Variants in ZMAT5 observed in about 807,000 individuals in gnomAD.
ZMAT5 encodes zinc finger matrin-type 5.
Under a neutral mutation model 28.0 loss-of-function variants are expected in ZMAT5, and 23 were observed. That is an observed-to-expected ratio of 0.82 (90% CI 0.59 to 1.16). The LOEUF is 1.16. Ranked by LOEUF, ZMAT5 falls within the 50% of genes most tolerant of loss-of-function variation. The pLI is 0.00. For missense variants in ZMAT5, 173 were observed against 212.7 expected, an observed-to-expected ratio of 0.81 and a Z score of 1.16; for synonymous variants, 76 against 84.1, an observed-to-expected ratio of 0.90 and a Z score of 0.52.
At chr22:29,756,394 G>A (rs77936918) in intron 1 of ZMAT5, among the ~76,000 whole-genome samples, 271 of 152,272 alleles carry the variant, frequency 1.8e-3, no homozygotes, top group Non-Finnish European at 3.1e-3. Context: ...CCGAACCCCC[G>A]TATGCTAGAG....
chr22:29,740,613 C>T (rs374723834), intron 4 of ZMAT5, 37 bp downstream of exon 4: 2 of 1,560,204 alleles, frequency 1.3e-6, no homozygotes, highest in African/African-American at 2.7e-5. Flanking sequence ...GCCCCAGCAC[C>T]CCACTCCCGC....
At chr22:29,738,913 A>C (rs2067934385) in intron 4 of ZMAT5, among the ~76,000 whole-genome samples, 1 of 152,130 alleles carries the variant, frequency 6.6e-6, no homozygotes, top group East Asian at 1.9e-4. Flanking sequence ...TGGGAGACTG[A>C]GGCAGGAGAA....
chr22:29,746,109 ACCACAGGAATGGG>A (rs2147225307), intron 2 of ZMAT5: 1 of 152,280 alleles, frequency 6.6e-6, no homozygotes, highest in South Asian at 2.1e-4. Context: ...AGCAGCTGGA[ACCACAGGAATGGG>A]CCACCATGCC....
intron 3 of ZMAT5, among the ~76,000 whole-genome samples, chr22:29,741,270 G>A (rs921853629): frequency 2.0e-5 from 3 of 152,186 alleles, no homozygotes; most frequent in Non-Finnish European, 4.4e-5. Flanking sequence ...CAAAATGTAT[G>A]TCGAGATACT....
At chr22:29,738,570 G>A (rs2067930223) in intron 4 of ZMAT5, 129 bp from the exon 5 acceptor site, 2 of 717,864 alleles carry the variant, frequency 2.8e-6, no homozygotes, top group Non-Finnish European at 2.3e-6. Flanking sequence ...CCTTCCAGGA[G>A]GATGCACCTG....
chr22:29,765,308 A>G (rs113610976), intron 1 of ZMAT5, among the ~76,000 whole-genome samples: 1 of 151,788 alleles, frequency 6.6e-6, no homozygotes. Flanking sequence ...AATCCCAGCT[A>G]TTCAGTAGGC....
chr22:29,732,490 C>T (rs761423159), intron 5 of ZMAT5, among the ~76,000 whole-genome samples: 37 of 152,148 alleles, frequency 2.4e-4, no homozygotes, highest in Non-Finnish European at 4.7e-4. Context: ...GTAATCCCAG[C>T]GCTTTGGGAG....
At chr22:29,738,210 A>G in intron 5 of ZMAT5, 120 bp downstream of exon 5, 2 of 960,772 alleles carry the variant, frequency 2.1e-6, no homozygotes, top group Non-Finnish European at 3.1e-6. Context: ...TGTGTAGGCA[A>G]CTTTATTCGG....
chr22:29,764,718 GTC>G (rs1398541287), intron 1 of ZMAT5, among the ~76,000 whole-genome samples: 3 of 152,110 alleles, frequency 2.0e-5, no homozygotes, highest in Non-Finnish European at 4.4e-5. Flanking sequence ...GGCCAGGCTA[GTC>G]TTGAACTCCT....
chr22:29,758,195 T>C (rs1348437384), intron 1 of ZMAT5, among the ~76,000 whole-genome samples: 2 of 152,152 alleles, frequency 1.3e-5, no homozygotes, highest in Non-Finnish European at 2.9e-5. Context: ...CTGGCCGCAG[T>C]TAAGCCTTCA....
intron 1 of ZMAT5, among the ~76,000 whole-genome samples, chr22:29,755,899 C>T (rs1427231021): frequency 1.3e-5 from 2 of 152,248 alleles, no homozygotes; most frequent in Non-Finnish European, 2.9e-5. Flanking sequence ...AGCTGGCACG[C>T]ACACTTGGGT....
intron 1 of ZMAT5, among the ~76,000 whole-genome samples, chr22:29,762,550 G>A (rs1380692466): frequency 1.3e-5 from 2 of 152,330 alleles, no homozygotes; most frequent in East Asian, 3.9e-4. Context: ...TGTGAACTGC[G>A]CATGCGAGGG....
At position 29,738,333 on chromosome 22, in the gene ZMAT5, C is replaced by T. The variant is rs1393948379; in HGVS notation, c.380G>A (p.Ser127Asn). ...AGGGAACCCTGGGGACCTGTACCTGCTACTTGGGGCTGAGCTCAGCCGCTT... is the reference window on the plus strand; with the variant it reads ...AGGGAACCCTGGGGACCTGTACCTGTTACTTGGGGCTGAGCTCAGCCGCTT... ...RAKRLSSAPS[S>N]RAEPIRTTVF... Residue 127 changes from serine to asparagine, a missense_variant, in exon 5 of 6, where the codon AGC becomes AAC. Transcript: ENST00000344318. 6.2e-7 allele frequency: 1 copy of T among 1,608,690 alleles called. No individual in the cohort carries two copies. Among genetic ancestry groups the T allele is most frequent in the Non-Finnish European group, 8.5e-7 (1 of 1,179,740 alleles).
intron 1 of ZMAT5, among the ~76,000 whole-genome samples, chr22:29,759,999 G>C (rs1429740917): frequency 6.6e-6 from 1 of 151,750 alleles, no homozygotes; most frequent in Non-Finnish European, 1.5e-5. Context: ...TCAGGAGTTT[G>C]AGACCACCCT....
At chr22:29,744,561 G>A (rs2067992639) in intron 2 of ZMAT5, among the ~76,000 whole-genome samples, 1 of 152,108 alleles carries the variant, frequency 6.6e-6, no homozygotes, top group Admixed American at 6.5e-5. Context: ...TACTAGGGGA[G>A]GGCATGTGGA....
intron 1 of ZMAT5, among the ~76,000 whole-genome samples, chr22:29,756,543 T>G (rs2068103083): frequency 6.6e-6 from 1 of 152,128 alleles, no homozygotes; most frequent in South Asian, 2.1e-4. Flanking sequence ...GCCCACCCAC[T>G]GCAATTTCTG....
chr22:29,747,358 C>T (rs529810170), intron 2 of ZMAT5: 3 of 152,392 alleles, frequency 2.0e-5, no homozygotes, highest in Admixed American at 2.0e-4. Context: ...CTCAAACAAT[C>T]TTCCCACCTC....
intron 2 of ZMAT5, chr22:29,747,112 G>A (rs971421220): frequency 3.9e-5 from 6 of 152,150 alleles, no homozygotes; most frequent in Admixed American, 1.3e-4. Context: ...GAGGGGATGG[G>A]GTTGGGGAAT....
At chr22:29,757,172 C>T (rs1423837692) in intron 1 of ZMAT5, among the ~76,000 whole-genome samples, 3 of 148,226 alleles carry the variant, frequency 2.0e-5, no homozygotes, top group South Asian at 2.1e-4. Context: ...GACGTGATCA[C>T]GCCAGTGCAC....
Sources: gnomAD v4.1 joint callset for allele counts (sites outside exome capture counted in the v4.1 genomes callset) on GRCh38, gnomAD v4.1.1 for gene constraint, MANE v1.5 for transcripts, NCBI Gene and HGNC (gene_info 2026-07-23, HGNC 2026-07-21) for gene names.